Variants in RNF150 observed in about 807,000 individuals in gnomAD.
RNF150 encodes ring finger protein 150.
A neutral mutation model predicts 39.3 loss-of-function variants in RNF150; 24 were observed. The ratio of observed to expected loss-of-function variants is 0.61; its 90% CI spans 0.44 to 0.86. The LOEUF is 0.86. Among genes scored for constraint, RNF150 ranks in the 40% least tolerant of loss-of-function variants. The pLI is 0.00. For synonymous variants in RNF150, 255 were observed against 227.3 expected (o/e 1.12, Z -1.10); for missense variants, 502 against 587.8 (o/e 0.85, Z 1.51).
At chr4:141,047,863 C>G (rs1736635549) in intron 1 of RNF150, among the ~76,000 whole-genome samples, 1 of 152,094 alleles carries the variant, frequency 6.6e-6, no homozygotes, top group Non-Finnish European at 1.5e-5. Flanking sequence ...TTATTTTTCT[C>G]CTGGCACTCA....
chr4:141,007,347 C>A (rs1381842463), intron 1 of RNF150, among the ~76,000 whole-genome samples: 1 of 152,174 alleles, frequency 6.6e-6, no homozygotes, highest in Non-Finnish European at 1.5e-5. Flanking sequence ...GCTATGGGAA[C>A]CCTAATTCTG....
In RNF150 at chr4:140,864,336, G is replaced by A. The variant is rs1423206924; in HGVS notation, c.*3925C>T. On this transcript the variant is annotated 3_prime_UTR_variant, in exon 7 of 7. Coordinates refer to ENST00000515673, the MANE Select transcript of RNF150 (RefSeq NM_020724.2). ...TCAATGTTCAAAAGCTGTATTCATA[G>A]TCAGGGCTCAGCTCTTCCAAAGGGA... 2 of 152,210 alleles carry A rather than the reference G, an allele frequency of 1.3e-5. No homozygotes were observed. The highest frequency in any genetic ancestry group is 2.9e-5 in the Non-Finnish European group (2 of 68,080). 9.4% of individuals were successfully genotyped at this position (152,210 alleles called of 1,614,324 possible). A position where few individuals can be genotyped will look rare whatever the true frequency, so the allele number is the denominator to read the frequency against.
chr4:140,871,937 T>C (rs1046831749), intron 6 of RNF150, among the ~76,000 whole-genome samples: 2 of 152,146 alleles, frequency 1.3e-5, no homozygotes, highest in African/African-American at 4.8e-5. Flanking sequence ...TAAATGAAAA[T>C]AGAGAAATTT....
chr4:141,053,650 A>C, intron 1 of RNF150: 1 of 1,292,010 alleles, frequency 7.7e-7, no homozygotes, highest in Non-Finnish European at 9.9e-7. Context: ...CGTGCATTTT[A>C]GAGGCTAAAG....
intron 4 of RNF150, 114 bp downstream of exon 4, chr4:140,947,540 C>T (rs1732366074): frequency 1.4e-6 from 1 of 737,006 alleles, no homozygotes; most frequent in South Asian, 1.7e-5. Context: ...AACATGGAAA[C>T]ACTGAGGCAG....
intron 2 of RNF150, among the ~76,000 whole-genome samples, chr4:140,956,615 G>GA (rs1732764698): frequency 6.6e-6 from 1 of 151,988 alleles, no homozygotes; most frequent in Non-Finnish European, 1.5e-5. Context: ...ACATTTGGGG[G>GA]AAAAAACAAT....
At chr4:141,171,562 T>C (rs1265582609) in intron 1 of RNF150, among the ~76,000 whole-genome samples, 1 of 152,100 alleles carries the variant, frequency 6.6e-6, no homozygotes, top group African/African-American at 2.4e-5. Flanking sequence ...TTACCTCAGT[T>C]AGTCTTAGTT....
chr4:141,139,574 A>G (rs1170130347), intron 1 of RNF150, among the ~76,000 whole-genome samples: 3 of 152,226 alleles, frequency 2.0e-5, no homozygotes, highest in African/African-American at 7.2e-5. Context: ...CGTCTGCTGC[A>G]GTGTCTGGCC....
intron 5 of RNF150, among the ~76,000 whole-genome samples, chr4:140,921,945 A>G (rs1467521341): frequency 7.3e-5 from 11 of 151,672 alleles, no homozygotes; most frequent in African/African-American, 2.7e-4. Flanking sequence ...CTCTCAATAA[A>G]TTAGGTATTG....
intron 1 of RNF150, among the ~76,000 whole-genome samples, chr4:141,175,893 T>A (rs1310665617): frequency 6.6e-6 from 1 of 152,040 alleles, no homozygotes; most frequent in Non-Finnish European, 1.5e-5. Context: ...ACTCTATCTT[T>A]ATTTTTTTTG....
At chr4:140,903,889 CTGTT>C (rs1730279818) in intron 6 of RNF150, among the ~76,000 whole-genome samples, 1 of 152,182 alleles carries the variant, frequency 6.6e-6, no homozygotes. Context: ...CTCTCACAGG[CTGTT>C]TGTGAATCTG....
At chr4:141,206,429 AAAAAAAAAAG>A (rs1728375854) in intron 1 of RNF150, among the ~76,000 whole-genome samples, 1 of 151,690 alleles carries the variant, frequency 6.6e-6, no homozygotes, top group Admixed American at 6.6e-5. Flanking sequence ...CAAAAAAAAA[AAAAAAAAAAG>A]AGTGTTCCCA....
intron 1 of RNF150, among the ~76,000 whole-genome samples, chr4:141,029,149 A>G (rs972171253): frequency 3.3e-5 from 5 of 152,196 alleles, no homozygotes; most frequent in African/African-American, 1.2e-4. Context: ...TGCCCGGAGA[A>G]GAAGGGTTCT....
intron 2 of RNF150, among the ~76,000 whole-genome samples, chr4:140,956,004 C>T (rs1368716042): frequency 6.6e-6 from 1 of 152,102 alleles, no homozygotes; most frequent in Non-Finnish European, 1.5e-5. Flanking sequence ...CAAATAAAAA[C>T]AAAGCAAATC....
chr4:141,210,620 A>C (rs1728447842), intron 1 of RNF150, among the ~76,000 whole-genome samples: 1 of 152,242 alleles, frequency 6.6e-6, no homozygotes, highest in East Asian at 1.9e-4. Context: ...TTTTTTAAAA[A>C]CATTGTTTTT....
intron 1 of RNF150, among the ~76,000 whole-genome samples, chr4:141,041,001 T>A (rs1328291111): frequency 6.6e-6 from 1 of 152,144 alleles, no homozygotes; most frequent in Non-Finnish European, 1.5e-5. Context: ...TTTAAAAGTG[T>A]TGGCACTCAT....
At chr4:141,190,449 A>C (rs1728091306) in intron 1 of RNF150, among the ~76,000 whole-genome samples, 1 of 152,182 alleles carries the variant, frequency 6.6e-6, no homozygotes, top group African/African-American at 2.4e-5. Context: ...CATCCCTAGG[A>C]ACTGAGATCA....
chr4:140,994,161 G>A (rs934868070), intron 1 of RNF150, among the ~76,000 whole-genome samples: 1 of 152,158 alleles, frequency 6.6e-6, no homozygotes, highest in Non-Finnish European at 1.5e-5. Context: ...AAAAACAAGA[G>A]CAGCAGATTA....
At chr4:141,001,178 AAATAC>A (rs1216359014) in intron 1 of RNF150, among the ~76,000 whole-genome samples, 3 of 152,184 alleles carry the variant, frequency 2.0e-5, no homozygotes, top group African/African-American at 4.8e-5. Context: ...ATCGTTGTAA[AAATAC>A]AATACATCTT....
Sources: gnomAD v4.1 joint callset for allele counts (sites outside exome capture counted in the v4.1 genomes callset) on GRCh38, gnomAD v4.1.1 for gene constraint, MANE v1.5 for transcripts, NCBI Gene and HGNC (gene_info 2026-07-23, HGNC 2026-07-21) for gene names.